The following FER1L6 variants were observed in gnomAD, a reference collection of about 807,000 sequenced individuals.
The protein encoded by FER1L6 is fer-1-like protein 6.
FER1L6 carries 177 observed loss-of-function variants against 219.2 expected under a neutral mutation model. The ratio of observed to expected loss-of-function variants is 0.81; its 90% CI spans 0.71 to 0.91. FER1L6 has a LOEUF of 0.91. FER1L6 is among the 40% of genes least tolerant of loss of function. The probability of loss-of-function intolerance (pLI) is 0.00; values close to 1 mark genes in which losing one functional copy is unlikely to be tolerated. For missense variants in FER1L6, 2,153 were observed against 2,259.9 expected (o/e 0.95, Z 0.96); for synonymous variants, 768 against 824.3 (o/e 0.93, Z 1.17).
intron 1 of FER1L6, among the ~76,000 whole-genome samples, chr8:123,953,760 C>T (rs370508429): frequency 6.6e-6 from 1 of 152,212 alleles, no homozygotes; most frequent in South Asian, 2.1e-4. Flanking sequence ...CCAATGGCCA[C>T]GTTCCCAGGA....
intron 12 of FER1L6, among the ~76,000 whole-genome samples, chr8:124,001,480 C>A (rs931802527): frequency 6.6e-6 from 1 of 152,166 alleles, no homozygotes; most frequent in Non-Finnish European, 1.5e-5. Context: ...ATGGTTTCAG[C>A]CATAGTGGAT....
chr8:124,051,411 A>G (rs1041344890), intron 22 of FER1L6, among the ~76,000 whole-genome samples: 5 of 152,160 alleles, frequency 3.3e-5, no homozygotes, highest in African/African-American at 9.7e-5. Flanking sequence ...AGGCCCCTCA[A>G]CCTCATAGTA....
Position 124,013,458 on chromosome 8 carries a change from T to G in FER1L6, c.1849T>G (p.Leu617Val). Residue 617 changes from leucine to valine, a missense_variant, in exon 15 of 41, where the codon TTG becomes GTG. Transcript: ENST00000522917. ...AGAAAGTATAGAAGAAGTGAGAGAA[T>G]TGATCAAGATTTCACAGGAGGCACC... ...LEESIEEVRE[L>V]IKISQEAPEE... 6.2e-7 allele frequency: 1 copy of G among 1,609,272 alleles called. No homozygotes were observed. The highest frequency in any genetic ancestry group is 8.5e-7 in the Non-Finnish European group (1 of 1,178,638).
chr8:123,971,304 AG>A (rs1260728493), intron 6 of FER1L6, among the ~76,000 whole-genome samples: 2 of 152,232 alleles, frequency 1.3e-5, no homozygotes, highest in Non-Finnish European at 1.5e-5. Context: ...GAAGTCACCC[AG>A]AGACAAACAA....
intron 1 of FER1L6, among the ~76,000 whole-genome samples, chr8:123,858,586 A>C (rs1233064099): frequency 6.6e-6 from 1 of 152,236 alleles, no homozygotes; most frequent in Non-Finnish European, 1.5e-5. Flanking sequence ...GTGGAAGATC[A>C]GATGCAAGGG....
At chr8:123,946,013 G>C (rs531637319) in intron 1 of FER1L6, among the ~76,000 whole-genome samples, 1 of 152,234 alleles carries the variant, frequency 6.6e-6, no homozygotes, top group East Asian at 1.9e-4. Context: ...TTGACTGAAT[G>C]GGATTCAAAG....
chr8:123,853,669 G>C lies in FER1L6; in HGVS notation c.-8+1484G>C, dbSNP rs1037850940. 2.0e-5 allele frequency among the ~76,000 whole-genome samples: 3 copies of C among 152,220 alleles called. No individual in the cohort carries two copies. Among genetic ancestry groups the C allele is most frequent in the African/African-American group, 7.2e-5 (3 of 41,464 alleles). ...GCAAGCGTGGAGTAACATATTTTGA[G>C]AGAACCTATCCAAGTTGCACGTATG... On this transcript the variant is annotated intron_variant, in intron 1 of 40. Coordinates refer to ENST00000522917, the MANE Select transcript of FER1L6 (RefSeq NM_001039112.2). This position sits in a 1 kb window ranked among gnomAD's most constrained non-coding sequence, Gnocchi z 6.6.
Position 123,856,310 on chromosome 8 carries a change from G to A in FER1L6, c.-8+4125G>A, listed in dbSNP as rs112895857. On this transcript the variant is annotated intron_variant, in intron 1 of 40. Coordinates refer to ENST00000522917, the MANE Select transcript of FER1L6 (RefSeq NM_001039112.2). ...TGTGTGTGTATATATATATATATAT[G>A]TATGTGTATATATATATATATATAT... 5.6e-4 allele frequency among the ~76,000 whole-genome samples: 27 copies of A among 48,038 alleles called. 2 individuals carry two copies. Among genetic ancestry groups the A allele is most frequent in the South Asian group, 2.7e-3 (3 of 1,112 alleles). The allele number at this position is 48,038 out of a possible 152,430, so 31.5% of individuals were successfully genotyped here.
chr8:124,033,319 G>C (rs913518360), intron 18 of FER1L6, among the ~76,000 whole-genome samples: 4 of 151,988 alleles, frequency 2.6e-5, no homozygotes, highest in African/African-American at 7.2e-5. Context: ...TTTTATTATA[G>C]GAAAATAATC....
intron 1 of FER1L6, among the ~76,000 whole-genome samples, chr8:123,951,582 G>A (rs955978081): frequency 6.6e-6 from 1 of 152,208 alleles, no homozygotes; most frequent in African/African-American, 2.4e-5. Flanking sequence ...AGGCTACTGG[G>A]AATTTACCCA....
chr8:124,002,951 A>G (rs1172809314), intron 12 of FER1L6, among the ~76,000 whole-genome samples: 1 of 152,062 alleles, frequency 6.6e-6, no homozygotes, highest in East Asian at 1.9e-4. Context: ...CTAATTTGTC[A>G]TTTGTGTAGT....
At chr8:123,986,199 C>A in intron 12 of FER1L6, 23 bp downstream of exon 12, 2 of 1,354,344 alleles carry the variant, frequency 1.5e-6, no homozygotes, top group Non-Finnish European at 2.1e-6. Context: ...AAGCACAGTG[C>A]CAGGCACATA....
At chr8:124,035,587 G>A in intron 19 of FER1L6, 133 bp downstream of exon 19, 1 of 838,000 alleles carries the variant, frequency 1.2e-6, no homozygotes, top group East Asian at 2.7e-5. Flanking sequence ...CTTAAGTAAA[G>A]TACAGTTTCT....
At chr8:124,098,623 A>G (rs1430639020) in intron 37 of FER1L6, among the ~76,000 whole-genome samples, 1 of 152,212 alleles carries the variant, frequency 6.6e-6, no homozygotes, top group African/African-American at 2.4e-5. Context: ...GGAGCATGAC[A>G]CAAAATGAAT....
chr8:124,101,910 G>A (rs1355861648), intron 38 of FER1L6, among the ~76,000 whole-genome samples: 1 of 152,164 alleles, frequency 6.6e-6, no homozygotes, highest in Non-Finnish European at 1.5e-5. Flanking sequence ...ATGTATGTTA[G>A]CGACAACTGG....
At position 124,076,213 on chromosome 8, in the gene FER1L6, C is replaced by T; in HGVS notation, c.4108C>T (p.Pro1370Ser). ...VYIVAAFNLS[P>S]ADPDGKSDPY... ...TCCTTTCCAGGCATTTAATCTTAGT[C>T]CAGCTGATCCAGATGGCAAATCAGA... The change falls in exon 32 of 41, where the codon CCA becomes TCA. Residue 1370 changes from proline to serine, a missense_variant. Pro to Ser is a moderately conservative substitution (Grantham distance 74). Coordinates refer to ENST00000522917, the MANE Select transcript of FER1L6 (RefSeq NM_001039112.2). The T allele has an allele frequency of 6.2e-7, 1 of 1,613,998 alleles. No individual in the cohort carries two copies.
intron 39 of FER1L6, among the ~76,000 whole-genome samples, chr8:124,104,231 G>A (rs1345618783): frequency 6.6e-6 from 1 of 152,216 alleles, no homozygotes; most frequent in Non-Finnish European, 1.5e-5. Flanking sequence ...TCCCCCTCAA[G>A]TAGTTAATGA....
rs923169561 is a variant in FER1L6, at chr8:124,081,353, T to C, written c.4221-935T>C. ...CACAGAAAATCAGACAGCATTAATG[T>C]TCCTTGAGACACCTTGCGTTGGTGT... On this transcript the variant is annotated intron_variant, in intron 32 of 40. Coordinates refer to ENST00000522917, the MANE Select transcript of FER1L6 (RefSeq NM_001039112.2). Among the ~76,000 whole-genome samples, 6 of 152,092 alleles carry C rather than the reference T, an allele frequency of 3.9e-5. No homozygotes were observed. In the South Asian group the frequency reaches 1.0e-3, roughly 26 times the overall value.
At chr8:124,005,165 A>C (rs2130520680) in intron 13 of FER1L6, among the ~76,000 whole-genome samples, 1 of 152,312 alleles carries the variant, frequency 6.6e-6, no homozygotes, top group South Asian at 2.1e-4. Flanking sequence ...ACTAGAAAAC[A>C]ACAACAGCAA....
Sources: allele counts gnomAD v4.1 joint callset (sites outside exome capture counted in the v4.1 genomes callset), GRCh38; gene constraint gnomAD v4.1.1; non-coding constraint Gnocchi (gnomAD v3.1); transcripts MANE v1.5; gene names NCBI Gene and HGNC (gene_info 2026-07-23, HGNC 2026-07-21).